The following STK32B variants were observed in gnomAD, a reference collection of about 807,000 sequenced individuals.
The protein encoded by STK32B is serine/threonine kinase 32B.
In STK32B, 43 loss-of-function variants were observed where a neutral mutation model predicts 52.6. The observed-to-expected ratio is 0.82, with a 90% confidence interval of 0.64 to 1.05. STK32B has a LOEUF of 1.05. STK32B is among the 50% of genes least tolerant of loss of function. The pLI is 0.00. For synonymous variants in STK32B, 238 were observed against 204.3 expected (o/e 1.17, Z -1.41); for missense variants, 621 against 534.6 (o/e 1.16, Z -1.59).
intron 3 of STK32B, among the ~76,000 whole-genome samples, chr4:5,256,840 G>A (rs1577254289): frequency 6.6e-6 from 1 of 152,124 alleles, no homozygotes; most frequent in South Asian, 2.1e-4. Context: ...TGTTTTTCTT[G>A]TCTCCTTTCC....
At chr4:5,304,637 G>C in intron 3 of STK32B, among the ~76,000 whole-genome samples, 1 of 152,100 alleles carries the variant, frequency 6.6e-6, no homozygotes, top group East Asian at 1.9e-4. Flanking sequence ...AACAGCAACA[G>C]TTTGACTTCC....
chr4:5,389,014 A>G (rs1736428213), intron 4 of STK32B, among the ~76,000 whole-genome samples: 1 of 152,242 alleles, frequency 6.6e-6, no homozygotes, highest in Non-Finnish European at 1.5e-5. Context: ...AAAATCAGCA[A>G]CCCCCAAGCA....
chr4:5,331,516 G>A lies in STK32B; in HGVS notation c.434+123G>A, dbSNP rs564308384. The A allele has an allele frequency of 2.2e-4, 231 of 1,038,614 alleles. 4 individuals carry two copies. The South Asian group carries it at 3.9e-3, about 18-fold the overall frequency. The allele number at this position is 1,038,614 out of a possible 1,614,324, so 64.3% of individuals were successfully genotyped here. A position where few individuals can be genotyped will look rare whatever the true frequency, so the allele number is the denominator to read the frequency against. On this transcript the variant is annotated intron_variant, in intron 4 of 11. Transcript: ENST00000282908. ...ATGGTTTAAAAGTGGTAGTGCATGA[G>A]GGAAAAAAGCAGAACACTTTTCTTC...
the STK32B span, among the ~76,000 whole-genome samples, chr4:5,043,677 T>C: frequency 6.6e-6 from 1 of 152,190 alleles, no homozygotes; most frequent in Non-Finnish European, 1.5e-5. Context: ...CGGAGTGCTG[T>C]CCTCTCCAGC....
chr4:5,359,580 A>G (rs28758555), intron 4 of STK32B, among the ~76,000 whole-genome samples: 15,685 of 152,216 alleles, frequency 0.1, 1,287 homozygotes, highest in Admixed American at 0.21. Flanking sequence ...AGGCAGTGAT[A>G]AGTGCTGTGA....
At chr4:5,054,262 C>G (rs892024778) in intron 1 of STK32B, among the ~76,000 whole-genome samples, 1 of 152,118 alleles carries the variant, frequency 6.6e-6, no homozygotes, top group Admixed American at 6.5e-5. Flanking sequence ...AGCAAGTAAA[C>G]CACCTGGAAA....
chr4:5,175,984 G>T (rs986344032), intron 3 of STK32B, among the ~76,000 whole-genome samples: 1 of 152,336 alleles, frequency 6.6e-6, no homozygotes, highest in Non-Finnish European at 1.5e-5. Context: ...GTTTACCTAC[G>T]CAAGCCTTGG....
At chr4:5,295,466 A>G (rs1044811291) in intron 3 of STK32B, among the ~76,000 whole-genome samples, 1 of 152,084 alleles carries the variant, frequency 6.6e-6, no homozygotes, top group African/African-American at 2.4e-5. Context: ...TTGTTGGTCT[A>G]TTCAGGGATT....
At chr4:5,264,359 G>A (rs1160230871) in intron 3 of STK32B, among the ~76,000 whole-genome samples, 1 of 152,062 alleles carries the variant, frequency 6.6e-6, no homozygotes, top group Non-Finnish European at 1.5e-5. Flanking sequence ...GTATTTCTTT[G>A]TGGTTTTAAT....
At chr4:5,168,515 T>C (rs1719071493) in intron 3 of STK32B, 65 bp downstream of exon 3, 1 of 1,519,240 alleles carries the variant, frequency 6.6e-7, no homozygotes, top group Non-Finnish European at 8.9e-7. Flanking sequence ...CAAATTCGCC[T>C]CTGCTAGAGG....
chr4:5,300,693 C>T (rs1337109402), intron 3 of STK32B, among the ~76,000 whole-genome samples: 2 of 151,916 alleles, frequency 1.3e-5, no homozygotes, highest in Non-Finnish European at 2.9e-5. Flanking sequence ...TTACAATAAC[C>T]ACAAAAAGAA....
chr4:5,178,973 C>T lies in STK32B; in HGVS notation c.260+10523C>T, dbSNP rs182328976. ...TCCACATTTTTGGGTGTCCCTATAG[C>T]GGTGCCTTACTGCCTCGGTACCAAT... On this transcript the variant is annotated intron_variant, in intron 3 of 11. Coordinates refer to ENST00000282908, the MANE Select transcript of STK32B (RefSeq NM_018401.3). 9.8e-5 allele frequency among the ~76,000 whole-genome samples: 15 copies of T among 152,320 alleles called. No homozygotes were observed. In the East Asian group the frequency reaches 1.9e-3, roughly 20 times the overall value.
chr4:5,425,035 G>T (rs1206844331), intron 6 of STK32B, among the ~76,000 whole-genome samples: 5 of 152,236 alleles, frequency 3.3e-5, no homozygotes, highest in Non-Finnish European at 5.9e-5. Context: ...CGGCGCTCGT[G>T]CCAGTGCCTG....
intron 4 of STK32B, among the ~76,000 whole-genome samples, chr4:5,382,484 T>A (rs914264135): frequency 6.6e-6 from 1 of 152,036 alleles, no homozygotes; most frequent in Non-Finnish European, 1.5e-5. Context: ...CCCTCTCATC[T>A]GTGTCCTCCT....
At chr4:5,109,829 T>G (rs552435171) in intron 1 of STK32B, among the ~76,000 whole-genome samples, 3 of 152,284 alleles carry the variant, frequency 2.0e-5, no homozygotes, top group Admixed American at 2.0e-4. Flanking sequence ...TCAAATTATC[T>G]CAGTTCTCTG....
chr4:5,175,115 C>A (rs186698033), intron 3 of STK32B, among the ~76,000 whole-genome samples: 24 of 152,198 alleles, frequency 1.6e-4, no homozygotes, highest in African/African-American at 5.8e-4. Flanking sequence ...CTTGTGCATT[C>A]GTCACGTAGT....
chr4:5,380,402 C>T lies in STK32B; in HGVS notation c.435-17805C>T, dbSNP rs1023221385. Among the ~76,000 whole-genome samples, 3 of 152,122 alleles carry T rather than the reference C, an allele frequency of 2.0e-5. No individual in the cohort carries two copies. Among genetic ancestry groups the T allele is most frequent in the African/African-American group, 7.2e-5 (3 of 41,418 alleles). The stretch of plus-strand genomic sequence containing the variant: ...AAAATTATACTATGAAATAGAAGAG[C>T]ATTACTCTGAAGAGGTACAGGAATT... On this transcript the variant is annotated intron_variant, in intron 4 of 11. Transcript: ENST00000282908. This position sits in a 1 kb window ranked among gnomAD's most constrained non-coding sequence, Gnocchi z 4.3.
chr4:5,403,268 T>C (rs1331202635), intron 5 of STK32B, among the ~76,000 whole-genome samples: 1 of 152,118 alleles, frequency 6.6e-6, no homozygotes, highest in Non-Finnish European at 1.5e-5. Flanking sequence ...AGGCCCCTCC[T>C]CACTTCCTCT....
intron 3 of STK32B, among the ~76,000 whole-genome samples, chr4:5,274,709 C>T (rs1727691898): frequency 6.6e-6 from 1 of 152,106 alleles, no homozygotes; most frequent in African/African-American, 2.4e-5. Context: ...TTTTTGGGAG[C>T]TCTGTTTTCA....
Sources: allele counts gnomAD v4.1 joint callset (sites outside exome capture counted in the v4.1 genomes callset), GRCh38; gene constraint gnomAD v4.1.1; non-coding constraint Gnocchi (gnomAD v3.1); transcripts MANE v1.5; gene names NCBI Gene and HGNC (gene_info 2026-07-23, HGNC 2026-07-21).